The following KLHL13 variants were observed in gnomAD, a reference collection of about 807,000 sequenced individuals.
KLHL13 encodes kelch-like protein 13.
A neutral mutation model predicts 37.1 loss-of-function variants in KLHL13; 10 were observed. The ratio of observed to expected loss-of-function variants is 0.27; its 90% CI spans 0.17 to 0.46. KLHL13 has a LOEUF of 0.46. Among genes scored for constraint, KLHL13 ranks in the 20% least tolerant of loss-of-function variants. The pLI is 1.00. For synonymous variants in KLHL13, 163 were observed against 181.2 expected (o/e 0.90, Z 0.81); for missense variants, 360 against 509.3 (o/e 0.71, Z 2.82).
chrX:117,919,553 A>C lies in KLHL13; in HGVS notation c.538T>G (p.Leu180Val). 1.7e-6 allele frequency: 2 copies of C among 1,209,899 alleles called. No homozygotes were observed. The highest frequency in any genetic ancestry group is 2.2e-6 in the Non-Finnish European group (2 of 894,262). Residue 180 changes from leucine to valine, a missense_variant, in exon 4 of 7, where the codon TTG becomes GTG. Physicochemically the swap from Leu to Val is conservative, Grantham distance 32 (BLOSUM62 1). Around this residue, in one of 2 missense-constraint regions of KLHL13, gnomAD observed 194 missense variants for 225.0 expected, o/e 0.86. Transcript: ENST00000262820. ...ATGAGAAACACTTTACAGAAGTCCA[A>C]AACTGGCAGAATCTGTAGGAAACTG...
chrX:117,909,550 C>A (rs1264116289), exon 5 of KLHL13: 1 of 1,209,733 alleles, frequency 8.3e-7, no homozygotes, highest in Non-Finnish European at 1.1e-6. Context: ...TCCATGGGGG[C>A]TAACGATTTC....
At chrX:117,963,287 C>T (rs1453245710) in intron 1 of KLHL13, among the ~76,000 whole-genome samples, 1 of 111,299 alleles carries the variant, frequency 9.0e-6, no homozygotes, top group Non-Finnish European at 1.9e-5. Flanking sequence ...TAATTGAAAA[C>T]ACAATATAAT....
chrX:118,013,246 A>G (rs2054090541), intron 1 of KLHL13, among the ~76,000 whole-genome samples: 1 of 111,827 alleles, frequency 8.9e-6, no homozygotes, highest in Non-Finnish European at 1.9e-5. Flanking sequence ...TGGTGTGACA[A>G]TAGACAGTAT....
intron 1 of KLHL13, among the ~76,000 whole-genome samples, chrX:118,068,100 G>A (rs977370464): frequency 3.6e-5 from 4 of 111,502 alleles, no homozygotes; most frequent in Non-Finnish European, 7.5e-5. Context: ...TTTCAGCTCC[G>A]TTATAATCAT....
chrX:118,053,432 T>C lies in KLHL13; in HGVS notation c.-56+63076A>G, dbSNP rs373457252. Among the ~76,000 whole-genome samples, 152 of 110,856 alleles carry C rather than the reference T, an allele frequency of 1.4e-3. 2 individuals carry two copies. Among genetic ancestry groups the C allele is most frequent in the African/African-American group, 4.8e-3 (146 of 30,477 alleles). ...GAATGTTCTCACTCATAGGTGGGAA[T>C]TGAACAATGAGAACACATGGACACA... On this transcript the variant is annotated intron_variant, in intron 1 of 6. Coordinates refer to the KLHL13 transcript ENST00000371882.
At chrX:117,980,343 T>TA (rs1030523497) in intron 1 of KLHL13, among the ~76,000 whole-genome samples, 2 of 112,138 alleles carry the variant, frequency 1.8e-5, no homozygotes, top group Admixed American at 1.9e-4. Flanking sequence ...TATACTTTTC[T>TA]AAAAGTCTGA....
At chrX:117,905,505 G>GCA (rs34703680) in intron 5 of KLHL13, among the ~76,000 whole-genome samples, 5,956 of 103,136 alleles carry the variant, frequency 0.058, 172 homozygotes, top group African/African-American at 0.11. Flanking sequence ...GCTAGTGCGT[G>GCA]CACACACACA....
At chrX:117,970,531 AG>A (rs892323068) in intron 1 of KLHL13, among the ~76,000 whole-genome samples, 2 of 111,648 alleles carry the variant, frequency 1.8e-5, no homozygotes, top group Admixed American at 1.9e-4. Context: ...TACTTGACCC[AG>A]TAATCTAATT....
intron 1 of KLHL13, among the ~76,000 whole-genome samples, chrX:117,970,049 A>G (rs778010270): frequency 8.9e-6 from 1 of 111,885 alleles, no homozygotes; most frequent in East Asian, 2.8e-4. Flanking sequence ...TGTAGCATCA[A>G]TGGAAGAGCT....
At chrX:118,106,232 A>C (rs1454164130) in intron 1 of KLHL13, among the ~76,000 whole-genome samples, 1 of 110,303 alleles carries the variant, frequency 9.1e-6, no homozygotes, top group Non-Finnish European at 1.9e-5. Flanking sequence ...AAAGCATTGG[A>C]TTAGAAACTA....
chrX:117,931,762 C>T (rs1162245004), intron 2 of KLHL13, among the ~76,000 whole-genome samples: 1 of 111,661 alleles, frequency 9.0e-6, no homozygotes, highest in East Asian at 2.8e-4. Context: ...GTATTTATCA[C>T]TTACTGGCTA....
intron 1 of KLHL13, among the ~76,000 whole-genome samples, chrX:118,089,638 GA>G (rs764527771): frequency 5.1e-5 from 5 of 98,080 alleles, no homozygotes; most frequent in African/African-American, 1.7e-4. Context: ...AAGAAAGAAA[GA>G]AAGAAAGAAA....
At chrX:117,989,092 G>A (rs1277551105) in intron 1 of KLHL13, among the ~76,000 whole-genome samples, 1 of 111,577 alleles carries the variant, frequency 9.0e-6, no homozygotes, top group Non-Finnish European at 1.9e-5. Context: ...GAGGAAGTAA[G>A]AATTATTTTC....
At chrX:118,019,717 C>G (rs1267586129) in intron 1 of KLHL13, among the ~76,000 whole-genome samples, 30 of 109,653 alleles carry the variant, frequency 2.7e-4, no homozygotes, top group African/African-American at 1.0e-3. Context: ...ATATGGCTAG[C>G]CAGTTTTCCC....
chrX:117,985,447 T>TTAA, intron 1 of KLHL13: 2 of 611,822 alleles, frequency 3.3e-6, no homozygotes, highest in Non-Finnish European at 4.1e-6. Context: ...TTTATATATT[T>TTAA]AAAAAAAAAA....
At chrX:117,902,695 A>G (rs1363922717) in intron 5 of KLHL13, among the ~76,000 whole-genome samples, 1 of 111,679 alleles carries the variant, frequency 9.0e-6, no homozygotes, top group Non-Finnish European at 1.9e-5. Flanking sequence ...AACCTCAAGA[A>G]CAGAACAATG....
At chrX:118,100,870 A>G (rs1441901252) in intron 1 of KLHL13, among the ~76,000 whole-genome samples, 1 of 111,903 alleles carries the variant, frequency 8.9e-6, no homozygotes, top group Non-Finnish European at 1.9e-5. Context: ...CTGCAAAGCC[A>G]AGATCCTTGA....
intron 2 of KLHL13, among the ~76,000 whole-genome samples, chrX:117,931,504 T>C (rs766603235): frequency 9.0e-6 from 1 of 111,533 alleles, no homozygotes; most frequent in African/African-American, 3.3e-5. Flanking sequence ...CTCTTTTCAG[T>C]AGGTGAACGG....
At chrX:117,973,482 A>G (rs1337899476) in exon 1 of KLHL13, 21 of 925,106 alleles carry the variant, frequency 2.3e-5, no homozygotes, top group Admixed American at 4.0e-5. Flanking sequence ...CAAGAATGCC[A>G]TTATGGGAAA....
Sources: gnomAD v4.1 joint callset for allele counts (sites outside exome capture counted in the v4.1 genomes callset) on GRCh38, gnomAD v4.1.1 for gene constraint, gnomAD v4.1.1 regional missense constraint, MANE v1.5 for transcripts, NCBI Gene and HGNC (gene_info 2026-07-23, HGNC 2026-07-21) for gene names.